Variants in ADRA1B observed in about 807,000 individuals in gnomAD.
ADRA1B encodes adrenoceptor alpha 1B.
Under a neutral mutation model 17.9 loss-of-function variants are expected in ADRA1B, and 17 were observed. The ratio of observed to expected loss-of-function variants is 0.95; its 90% confidence interval spans 0.65 to 1.42. The LOEUF (loss-of-function observed/expected upper bound fraction) is 1.42. Ranked by LOEUF, ADRA1B falls within the 40% of genes most tolerant of loss-of-function variation. ADRA1B has a pLI of 0.00. For synonymous variants in ADRA1B, 366 were observed against 327.6 expected (o/e 1.12, Z -1.27); for missense variants, 681 against 722.1 (o/e 0.94, Z 0.65).
At chr5:159,894,837 G>C (rs1054168430) in intron 1 of ADRA1B, among the ~76,000 whole-genome samples, 1 of 152,050 alleles carries the variant, frequency 6.6e-6, no homozygotes, top group Non-Finnish European at 1.5e-5. Flanking sequence ...ACAAGGAAAA[G>C]GAGAACTACT....
intron 1 of ADRA1B, among the ~76,000 whole-genome samples, chr5:159,931,169 C>T (rs552161669): frequency 1.3e-5 from 2 of 151,566 alleles, no homozygotes; most frequent in Non-Finnish European, 2.9e-5. Flanking sequence ...GCAGGAGGAT[C>T]ACTTGAGCCC....
At chr5:159,911,199 T>G (rs1020895808) in intron 1 of ADRA1B, among the ~76,000 whole-genome samples, 1 of 152,166 alleles carries the variant, frequency 6.6e-6, no homozygotes, top group Non-Finnish European at 1.5e-5. Context: ...AAAGTGATAG[T>G]GGCAAGCCCA....
the ADRA1B span, among the ~76,000 whole-genome samples, chr5:159,979,593 G>A: frequency 1.4e-4 from 22 of 152,162 alleles, no homozygotes; most frequent in Non-Finnish European, 2.9e-4. Flanking sequence ...GGCTGGCTGG[G>A]CATGGTGGCT....
At chr5:159,881,006 G>C (rs917428318) in intron 1 of ADRA1B, among the ~76,000 whole-genome samples, 11 of 151,986 alleles carry the variant, frequency 7.2e-5, no homozygotes, top group African/African-American at 2.7e-4. Context: ...AGATTGCCTG[G>C]TTTCCAGGAA....
At chr5:159,915,089 A>G (rs1031997469), upstream of ADRA1B, among the ~76,000 whole-genome samples, 6 of 152,236 alleles carry the variant, frequency 3.9e-5, no homozygotes, top group Admixed American at 1.3e-4. Flanking sequence ...GTCCCTGCCC[A>G]GCACCAGTGG....
chr5:159,871,080 A>T (rs1222774251), intron 1 of ADRA1B: 1 of 152,168 alleles, frequency 6.6e-6, no homozygotes, highest in African/African-American at 2.4e-5. Context: ...GCAGGGCAGC[A>T]CTCACCATTC....
chr5:159,923,777 A>T, intron 1 of ADRA1B, among the ~76,000 whole-genome samples: 1 of 152,348 alleles, frequency 6.6e-6, no homozygotes, highest in Non-Finnish European at 1.5e-5. Context: ...CCCATTGTAG[A>T]CCTCTTGCAT....
chr5:159,875,327 C>T (rs993888578), intron 1 of ADRA1B, among the ~76,000 whole-genome samples: 1 of 150,116 alleles, frequency 6.7e-6, no homozygotes, highest in African/African-American at 2.5e-5. Context: ...CTCTATTCCC[C>T]ACTCCCACAA....
At chr5:159,875,604 CCAGCCACA>C (rs1399838859) in intron 1 of ADRA1B, among the ~76,000 whole-genome samples, 1 of 152,166 alleles carries the variant, frequency 6.6e-6, no homozygotes, top group Non-Finnish European at 1.5e-5. Flanking sequence ...ATAAAAATAT[CCAGCCACA>C]GCTGGATAGG....
intron 1 of ADRA1B, among the ~76,000 whole-genome samples, chr5:159,907,716 T>A (rs1044642537): frequency 4.6e-5 from 7 of 152,066 alleles, no homozygotes; most frequent in Non-Finnish European, 1.0e-4. Flanking sequence ...TCCCAACAAC[T>A]CCATGTGGTA....
At chr5:159,913,398 G>T (rs146328505), upstream of ADRA1B, among the ~76,000 whole-genome samples, 1 of 152,202 alleles carries the variant, frequency 6.6e-6, no homozygotes, top group African/African-American at 2.4e-5. Context: ...CATTAGCAAA[G>T]GTTGCTGTGT....
At chr5:159,943,242 T>C (rs1755183353) in intron 1 of ADRA1B, among the ~76,000 whole-genome samples, 1 of 150,624 alleles carries the variant, frequency 6.6e-6, no homozygotes, top group African/African-American at 2.4e-5. Flanking sequence ...AAATGAAAAA[T>C]AAAAATAAAT....
chr5:159,972,469 C>T lies in ADRA1B; in HGVS notation c.1540C>T (p.Pro514Ser). Residue 514 changes from proline (P) to serine (S), a missense_variant, in exon 2 of 2, where the codon CCC becomes TCC. By Grantham distance (74) the Pro-to-Ser change is moderately conservative (BLOSUM62 -1). Around this residue, in one of 3 missense-constraint regions of ADRA1B, gnomAD observed 251 missense variants for 224.9 expected, o/e 1.12. Coordinates refer to ENST00000306675, the MANE Select transcript of ADRA1B (RefSeq NM_000679.4). ...NGQPGFKSNM[P>S]LAPGQF ...GCAGCCGGGCTTCAAAAGCAACATG[C>T]CCCTGGCGCCCGGGCAGTTTTAGGG... 6.8e-7 allele frequency: 1 copy of T among 1,472,428 alleles called. No individual in the cohort carries two copies. The highest frequency in any genetic ancestry group is 9.0e-7 in the Non-Finnish European group (1 of 1,112,896). The allele number at this position is 1,472,428 out of a possible 1,614,324, so 91.2% of individuals were successfully genotyped here.
Position 159,930,000 on chromosome 5 carries a change from T to A in ADRA1B, c.949+12146T>A, listed in dbSNP as rs577992591. On this transcript the variant is annotated intron_variant, in intron 1 of 1. Transcript: ENST00000306675. ...TTTTAGAAACACTTCAGTGAAAGTT[T>A]CATTTTTCACTCAACAGCATAGCAT... is the stretch of plus-strand genomic sequence containing the variant. Among the ~76,000 whole-genome samples, 22 of 152,358 alleles carry A rather than the reference T, an allele frequency of 1.4e-4. 1 individual carries two copies. Among genetic ancestry groups the A allele is most frequent in the East Asian group, 9.6e-4 (5 of 5,186 alleles).
downstream of ADRA1B, among the ~76,000 whole-genome samples, chr5:159,973,956 CT>C (rs1164156359): frequency 6.6e-6 from 1 of 152,200 alleles, no homozygotes; most frequent in Non-Finnish European, 1.5e-5. Flanking sequence ...CATCCCATCC[CT>C]TTTTTTCTTT....
chr5:159,968,466 A>G (rs1755813151), intron 1 of ADRA1B, among the ~76,000 whole-genome samples: 1 of 152,226 alleles, frequency 6.6e-6, no homozygotes. Context: ...AAACAAAGTT[A>G]TAATTTTTTC....
chr5:159,956,886 T>G (rs1326399732), intron 1 of ADRA1B, among the ~76,000 whole-genome samples: 1 of 152,200 alleles, frequency 6.6e-6, no homozygotes, highest in African/African-American at 2.4e-5. Context: ...TGCTTTTTTT[T>G]TCCTGAGACA....
chr5:159,930,632 T>C (rs1277452108), intron 1 of ADRA1B, among the ~76,000 whole-genome samples: 1 of 152,140 alleles, frequency 6.6e-6, no homozygotes, highest in African/African-American at 2.4e-5. Flanking sequence ...TACTAATCTG[T>C]TAGGAGGATT....
At chr5:159,901,577 C>A (rs1754101721) in intron 1 of ADRA1B, among the ~76,000 whole-genome samples, 1 of 152,166 alleles carries the variant, frequency 6.6e-6, no homozygotes, top group African/African-American at 2.4e-5. Context: ...TGAGAAAAAT[C>A]TCAAAAGCCT....
Sources: gnomAD v4.1 joint callset for allele counts (sites outside exome capture counted in the v4.1 genomes callset) on GRCh38, gnomAD v4.1.1 for gene constraint, gnomAD v4.1.1 regional missense constraint, MANE v1.5 for transcripts, NCBI Gene and HGNC (gene_info 2026-07-23, HGNC 2026-07-21) for gene names.